UNC5D: variants seen among roughly 807,000 people sequenced by gnomAD.
UNC5D encodes unc-5 netrin receptor D.
In UNC5D, 39 loss-of-function variants were observed where a neutral mutation model predicts 105.4. That is an observed-to-expected ratio of 0.37 (90% confidence interval 0.29 to 0.48). The LOEUF (loss-of-function observed/expected upper bound fraction) is 0.48, where lower values mean the gene tolerates loss of function less well. UNC5D is among the 20% of genes least tolerant of loss of function. UNC5D has a pLI of 0.98. For synonymous variants in UNC5D, 452 were observed against 450.4 expected, an observed-to-expected ratio of 1.00 and a Z score of -0.04; for missense variants, 991 against 1,202.4, an observed-to-expected ratio of 0.82 and a Z score of 2.60.
rs1339583503 is a variant in UNC5D at position 35,599,185 on chromosome 8, CTAGAGTAGAAT to C, written c.570+3529_570+3539del. On this transcript the variant is annotated intron_variant, in intron 4 of 16. Transcript: ENST00000404895. ...AAAAAAAAAAGCTGAAGTCACAGAA[CTAGAGTAGAAT>C]GGTGGTCACCACATGTTGCGGAGAT... Among the ~76,000 whole-genome samples, 5 of 131,012 alleles carry C rather than the reference CTAGAGTAGAAT, an allele frequency of 3.8e-5. 1 individual carries two copies. In the South Asian group the frequency reaches 8.4e-4, roughly 22 times the overall value. The allele number at this position is 131,012 out of a possible 152,430, so 85.9% of individuals were successfully genotyped here.
chr8:35,677,944 GTA>G lies in UNC5D; in HGVS notation c.571-5601_571-5600del, dbSNP rs750549960. On this transcript the variant is annotated intron_variant, in intron 4 of 16. Transcript: ENST00000404895. ...TATGTATATGTGTGTATATATGTGTGTATGTGTATATATATATACGTGTGTGT... is the reference window on the plus strand; with the variant it reads ...TATGTATATGTGTGTATATATGTGTGTGTGTATATATATATACGTGTGTGT... Among the ~76,000 whole-genome samples the G allele has an allele frequency of 2.6e-3, 394 of 151,532 alleles. 4 individuals carry two copies. The highest frequency in any genetic ancestry group is 8.7e-3 in the Admixed American group (133 of 15,208).
chr8:35,375,999 A>G (rs1039126130), intron 1 of UNC5D, among the ~76,000 whole-genome samples: 2 of 152,184 alleles, frequency 1.3e-5, no homozygotes, highest in African/African-American at 2.4e-5. Context: ...GATTTGGTCA[A>G]ACTGCAATCT....
chr8:35,570,875 T>A (rs946876196), intron 3 of UNC5D, among the ~76,000 whole-genome samples: 4 of 151,954 alleles, frequency 2.6e-5, no homozygotes, highest in African/African-American at 9.7e-5. Context: ...GGAGAATCAC[T>A]TGAACCCGGG....
chr8:35,416,524 A>G (rs1369766453), intron 1 of UNC5D, among the ~76,000 whole-genome samples: 2 of 152,234 alleles, frequency 1.3e-5, no homozygotes, highest in Non-Finnish European at 2.9e-5. Context: ...TTAGTCACTT[A>G]CAAGAGATAA....
In UNC5D at chr8:35,695,729, A is replaced by AT. The variant is rs1007683607; in HGVS notation, c.1084+9023dup. Among the ~76,000 whole-genome samples, 9 of 150,062 alleles carry AT rather than the reference A, an allele frequency of 6.0e-5. No homozygotes were observed. In the Admixed American group the frequency reaches 6.0e-4, roughly 10 times the overall value. ...TTTTATATTATTTATTTATTTATTTATTTATTTATTTATTTATTTATTTGA... is the reference window on the plus strand; with the variant it reads ...TTTTATATTATTTATTTATTTATTTATTTTATTTATTTATTTATTTATTTGA... On this transcript the variant is annotated intron_variant, in intron 7 of 16. Coordinates refer to ENST00000404895, the MANE Select transcript of UNC5D (RefSeq NM_080872.4).
chr8:35,271,493 A>G (rs1805328514), intron 1 of UNC5D, among the ~76,000 whole-genome samples: 1 of 143,698 alleles, frequency 7.0e-6, no homozygotes, highest in African/African-American at 2.5e-5. Context: ...AGGTACCTAT[A>G]TTTAGGTCTA....
At chr8:35,616,494 C>A (rs1259886223) in intron 4 of UNC5D, among the ~76,000 whole-genome samples, 2 of 152,154 alleles carry the variant, frequency 1.3e-5, no homozygotes, top group African/African-American at 2.4e-5. Context: ...TACTGCTGCC[C>A]GATTGCAGTT....
intron 1 of UNC5D, chr8:35,544,649 C>T: frequency 7.6e-7 from 1 of 1,317,576 alleles, no homozygotes; most frequent in East Asian, 2.7e-5. Flanking sequence ...TTCACTCAGG[C>T]TGGAGTGCAA....
intron 11 of UNC5D, among the ~76,000 whole-genome samples, chr8:35,743,804 G>T (rs530744118): frequency 6.6e-6 from 1 of 151,660 alleles, no homozygotes; most frequent in Non-Finnish European, 1.5e-5. Flanking sequence ...TTTTTTAACC[G>T]CTGTGAACAA....
chr8:35,345,300 A>G (rs977258851), intron 1 of UNC5D, among the ~76,000 whole-genome samples: 1 of 151,936 alleles, frequency 6.6e-6, no homozygotes, highest in East Asian at 1.9e-4. Flanking sequence ...TTTTGCTTGC[A>G]TCGGCAGAGA....
At chr8:35,357,069 G>A (rs1409415975) in intron 1 of UNC5D, among the ~76,000 whole-genome samples, 2 of 152,118 alleles carry the variant, frequency 1.3e-5, no homozygotes, top group African/African-American at 4.8e-5. Flanking sequence ...GGGGGCTACT[G>A]TGTTTCTCTT....
intron 1 of UNC5D, among the ~76,000 whole-genome samples, chr8:35,306,476 A>G (rs890308783): frequency 1.3e-5 from 2 of 152,114 alleles, no homozygotes; most frequent in South Asian, 2.1e-4. Context: ...CCTGAATACT[A>G]TGAAGACTAC....
At chr8:35,690,114 TA>T (rs1826284398) in intron 7 of UNC5D, among the ~76,000 whole-genome samples, 1 of 152,246 alleles carries the variant, frequency 6.6e-6, no homozygotes, top group African/African-American at 2.4e-5. Context: ...ATGTTTTTTC[TA>T]GCCTTCATTG....
At position 35,795,229 on chromosome 8, in the gene UNC5D, A is replaced by G. The variant is rs1322507283; in HGVS notation, c.*4666A>G. ...GTTATAGCTTTGAATTATAGACTAT[A>G]TTACTAAATTTGGTAAGGTAGTTCT... On this transcript the variant is annotated 3_prime_UTR_variant, in exon 17 of 17. Coordinates refer to ENST00000404895, the MANE Select transcript of UNC5D (RefSeq NM_080872.4). 2 of 152,172 alleles carry G rather than the reference A, an allele frequency of 1.3e-5. No homozygotes were observed. The highest frequency in any genetic ancestry group is 2.9e-5 in the Non-Finnish European group (2 of 68,040). The allele number at this position is 152,172 out of a possible 1,614,324, so 9.4% of individuals were successfully genotyped here.
At chr8:35,678,797 T>G (rs1825454780) in intron 4 of UNC5D, among the ~76,000 whole-genome samples, 1 of 152,166 alleles carries the variant, frequency 6.6e-6, no homozygotes, top group Non-Finnish European at 1.5e-5. Flanking sequence ...CATCCTTTCT[T>G]TTTTCCTCTT....
intron 1 of UNC5D, among the ~76,000 whole-genome samples, chr8:35,267,038 A>G (rs962539360): frequency 6.6e-6 from 1 of 151,958 alleles, no homozygotes; most frequent in Non-Finnish European, 1.5e-5. Context: ...AGTTGGAAAT[A>G]ATGTCAACAT....
At chr8:35,269,179 C>A (rs1260096511) in intron 1 of UNC5D, among the ~76,000 whole-genome samples, 2 of 152,136 alleles carry the variant, frequency 1.3e-5, no homozygotes, top group African/African-American at 4.8e-5. Context: ...AAAATTGGTA[C>A]ATTTATTATG....
intron 1 of UNC5D, among the ~76,000 whole-genome samples, chr8:35,511,112 A>T (rs1039673605): frequency 1.7e-4 from 26 of 152,190 alleles, no homozygotes; most frequent in African/African-American, 6.3e-4. Context: ...TTTCTAGATT[A>T]TACCTTAAGA....
intron 15 of UNC5D, among the ~76,000 whole-genome samples, chr8:35,770,088 A>T (rs888952526): frequency 1.7e-4 from 26 of 152,214 alleles, no homozygotes; most frequent in African/African-American, 6.3e-4. Context: ...GATACATTCT[A>T]GACCCAGGTC....
Sources: gnomAD v4.1 joint callset for allele counts (sites outside exome capture counted in the v4.1 genomes callset) on GRCh38, gnomAD v4.1.1 for gene constraint, MANE v1.5 for transcripts, NCBI Gene and HGNC (gene_info 2026-07-23, HGNC 2026-07-21) for gene names.